SCUBE1: variants seen among roughly 807,000 people sequenced by gnomAD.
SCUBE1 encodes the protein signal peptide, CUB domain and EGF like domain containing 1, also known as signal peptide, CUB and EGF-like domain-containing protein 1.
Under a neutral mutation model 124.4 loss-of-function variants are expected in SCUBE1, and 59 were observed. The observed-to-expected ratio is 0.47, with a 90% CI of 0.38 to 0.59. The LOEUF (loss-of-function observed/expected upper bound fraction) is 0.59, where lower values mean the gene tolerates loss of function less well. SCUBE1 is among the 20% of genes least tolerant of loss of function. The pLI, the probability that SCUBE1 is intolerant of heterozygous loss-of-function variation, is 0.00. For synonymous variants in SCUBE1, 545 were observed against 550.9 expected (o/e 0.99, Z 0.15); for missense variants, 1,150 against 1,371.2 (o/e 0.84, Z 2.55).
rs75787600 is a variant in SCUBE1, at chr22:43,303,845, G to A, written c.350-12665C>T. Among the ~76,000 whole-genome samples the A allele has an allele frequency of 9.8e-3, 1,491 of 152,312 alleles. 30 individuals are homozygous for A. Among genetic ancestry groups the A allele is most frequent in the African/African-American group, 0.034 (1,428 of 41,560 alleles). On this transcript the variant is annotated intron_variant, in intron 3 of 21. Transcript: ENST00000360835. ...AGTCAGGAGCATCTATTTTGTTTCCGTCTTTTTGCATGAGCTGATTTTCTC... is the reference window on the plus strand; with the variant it reads ...AGTCAGGAGCATCTATTTTGTTTCCATCTTTTTGCATGAGCTGATTTTCTC...
At chr22:43,291,257 G>A (rs1223258582) in intron 3 of SCUBE1, 77 bp from the exon 4 acceptor site, 2 of 1,498,164 alleles carry the variant, frequency 1.3e-6, no homozygotes, top group Non-Finnish European at 1.8e-6. Context: ...GGCGGGACAG[G>A]GATGCAGTGA....
intron 14 of SCUBE1, among the ~76,000 whole-genome samples, chr22:43,219,653 T>C (rs564341943): frequency 2.0e-4 from 30 of 152,160 alleles, no homozygotes; most frequent in Non-Finnish European, 3.8e-4. Context: ...TTTGTATTTT[T>C]AGTAGAGACA....
intron 6 of SCUBE1, 109 bp from the exon 7 acceptor site, chr22:43,239,063 G>A (rs941921732): frequency 1.2e-6 from 1 of 814,850 alleles, no homozygotes; most frequent in Non-Finnish European, 2.1e-6. Flanking sequence ...CCGGGTTCAA[G>A]CTCTGGCTCT....
chr22:43,222,565 C>T, intron 12 of SCUBE1, 73 bp downstream of exon 12: 1 of 1,200,896 alleles, frequency 8.3e-7, no homozygotes, highest in Non-Finnish European at 1.2e-6. Context: ...GCCCTTTCCT[C>T]CCCCGCCAGC....
chr22:43,258,358 CACGGGTGTATAAACAGAACAACAA>C lies in SCUBE1; in HGVS notation c.611-47_611-24del. Reference sequence around the variant, plus strand: ...TTACTAGTTAGGCCCAAAGTGTACACACGGGTGTATAAACAGAACAACAAAAACGGTTAGTTTGCCGGTGTTGGC... The same window carrying C: ...TTACTAGTTAGGCCCAAAGTGTACACAAACGGTTAGTTTGCCGGTGTTGGC... On this transcript the variant is annotated intron_variant, in intron 5 of 21. Coordinates refer to ENST00000360835, the MANE Select transcript of SCUBE1 (RefSeq NM_173050.5). This position sits in a 1 kb window ranked among gnomAD's most constrained non-coding sequence, Gnocchi z 5.0. The C allele has an allele frequency of 6.5e-7, 1 of 1,528,210 alleles. No homozygotes were observed. Among genetic ancestry groups the C allele is most frequent in the African/African-American group, 1.4e-5 (1 of 73,270 alleles). The allele number at this position is 1,528,210 out of a possible 1,614,324, so 94.7% of individuals were successfully genotyped here.
chr22:43,322,664 C>T (rs1926597618), intron 2 of SCUBE1, among the ~76,000 whole-genome samples: 1 of 152,176 alleles, frequency 6.6e-6, no homozygotes, highest in Admixed American at 6.5e-5. Flanking sequence ...CTCCTTCAAG[C>T]AGGTGATTCA....
intron 6 of SCUBE1, among the ~76,000 whole-genome samples, chr22:43,241,415 G>A (rs1923001441): frequency 1.3e-5 from 2 of 151,950 alleles, no homozygotes; most frequent in South Asian, 2.1e-4. Flanking sequence ...TCAGAAACTC[G>A]GCCCAAGGCT....
Position 43,207,562 on chromosome 22 carries a change from G to A in SCUBE1, c.2786C>T (p.Ala929Val). The change falls in exon 21 of 22, where the codon GCC becomes GTC. Residue 929 changes from alanine to valine, a missense_variant. Ala to Val is a moderately conservative substitution (Grantham distance 64). Transcript: ENST00000360835. ...CAAAATTTCCTGGTGGTTCTCCGAG[G>A]CGTACAGGCGCCCATCGCGCACGAT... The part of the protein sequence containing the change: ...EDIVRDGRLY[A>V]SENHQEILKD... The A allele has an allele frequency of 6.2e-7, 1 of 1,614,030 alleles. No homozygotes were observed.
rs766737234 is a variant in SCUBE1 at position 43,211,049 on chromosome 22, G to A, written c.2256C>T (p.Thr752=). 1 of 1,613,630 alleles carries A rather than the reference G, an allele frequency of 6.2e-7. No homozygotes were observed. Among genetic ancestry groups the A allele is most frequent in the Admixed American group, 1.7e-5 (1 of 59,944 alleles). Reference sequence around the variant, plus strand: ...CGGGGCAGCGGATGCAGCGGTGGGTGGTGGTGTTGTAGTGGTGGCCGGGGG... The same window carrying A: ...CGGGGCAGCGGATGCAGCGGTGGGTAGTGGTGTTGTAGTGGTGGCCGGGGG... The part of the protein sequence containing the change: ...HCSPGHHYNT[T]THRCIRCPVG... The change falls in exon 18 of 22, where the codon ACC becomes ACT. Residue 752 remains threonine, a synonymous_variant. Coordinates refer to ENST00000360835, the MANE Select transcript of SCUBE1 (RefSeq NM_173050.5). The surrounding 1 kb of genome is among the most constrained non-coding windows in gnomAD (Gnocchi z 4.5).
chr22:43,328,820 C>T (rs1926811863), intron 2 of SCUBE1, among the ~76,000 whole-genome samples: 2 of 152,200 alleles, frequency 1.3e-5, no homozygotes, highest in Non-Finnish European at 2.9e-5. Flanking sequence ...CCAGGCACCA[C>T]CTTGATGGTA....
rs560221134 is a variant in SCUBE1 at position 43,197,499 on chromosome 22, GCACAGCGCCCTGGTGTC to G, written c.*6481_*6497del. ...CAGAAGTGAAGTCTGCGGGCCGCTA[GCACAGCGCCCTGGTGTC>G]CTGTTCCCCGAGCAATGTGGCCTGC... On this transcript the variant is annotated 3_prime_UTR_variant, in exon 22 of 22. Transcript: ENST00000360835. 6.6e-6 allele frequency: 1 copy of G among 152,410 alleles called. No individual in the cohort carries two copies. Among genetic ancestry groups the G allele is most frequent in the Admixed American group, 6.5e-5 (1 of 15,308 alleles). The allele number at this position is 152,410 out of a possible 1,614,324, so 9.4% of individuals were successfully genotyped here.
chr22:43,211,146 G>C lies in SCUBE1; in HGVS notation c.2222-63C>G. 6.7e-7 allele frequency: 1 copy of C among 1,503,348 alleles called. No individual in the cohort carries two copies. The highest frequency in any genetic ancestry group is 9.1e-7 in the Non-Finnish European group (1 of 1,102,986). 93.1% of individuals were successfully genotyped at this position (1,503,348 alleles called of 1,614,324 possible). On this transcript the variant is annotated intron_variant, in intron 17 of 21. Coordinates refer to ENST00000360835, the MANE Select transcript of SCUBE1 (RefSeq NM_173050.5). This position sits in a 1 kb window ranked among gnomAD's most constrained non-coding sequence, Gnocchi z 4.5. ...GGGTGCAGGGAAAGGGCAGCACTGG[G>C]GTGCTGTCCCCAGGACCTCTCATGC...
intron 6 of SCUBE1, among the ~76,000 whole-genome samples, chr22:43,254,642 T>A (rs967554699): frequency 6.6e-6 from 1 of 152,174 alleles, no homozygotes; most frequent in Non-Finnish European, 1.5e-5. Flanking sequence ...CCGCGCTACC[T>A]GACCCCATAG....
At position 43,334,989 on chromosome 22, in the gene SCUBE1, T is replaced by C. The variant is rs539678351; in HGVS notation, c.220+4115A>G. On this transcript the variant is annotated intron_variant, in intron 2 of 21. Coordinates refer to ENST00000360835, the MANE Select transcript of SCUBE1 (RefSeq NM_173050.5). Reference sequence around the variant, plus strand: ...CTCCTAAGCTGACCTTAATAGAGGCTGTTAACACCCTCTTCTCAGAACAGA... The same window carrying C: ...CTCCTAAGCTGACCTTAATAGAGGCCGTTAACACCCTCTTCTCAGAACAGA... 5.3e-5 allele frequency among the ~76,000 whole-genome samples: 8 copies of C among 152,332 alleles called. No individual in the cohort carries two copies. In the South Asian group the frequency reaches 1.7e-3, roughly 32 times the overall value.
At chr22:43,311,334 C>T (rs2899371) in intron 3 of SCUBE1, among the ~76,000 whole-genome samples, 4,261 of 152,094 alleles carry the variant, frequency 0.028, 217 homozygotes, top group African/African-American at 0.097. Flanking sequence ...CCATGTCTGG[C>T]ATATAGCAGG....
At chr22:43,269,204 C>T (rs1219597546) in intron 4 of SCUBE1, among the ~76,000 whole-genome samples, 2 of 152,262 alleles carry the variant, frequency 1.3e-5, no homozygotes, top group African/African-American at 2.4e-5. Context: ...CCCGATGGGC[C>T]CTCCCCCAGG....
chr22:43,221,098 G>T, intron 13 of SCUBE1, 75 bp downstream of exon 13: 1 of 1,201,052 alleles, frequency 8.3e-7, no homozygotes, highest in Non-Finnish European at 1.2e-6. Flanking sequence ...CTGGACCCTG[G>T]GGCCCCAGCT....
rs566286760 is a variant in SCUBE1 at position 43,206,854 on chromosome 22, T to C, written c.2814+680A>G. Among the ~76,000 whole-genome samples, 141 of 152,216 alleles carry C rather than the reference T, an allele frequency of 9.3e-4. 2 individuals carry two copies. The highest frequency in any genetic ancestry group is 3.2e-3 in the African/African-American group (133 of 41,540). Reference sequence around the variant, plus strand: ...ATCCCTGGTTTCTGCCTAAGCAGCTTGAGGAGGAAATCAGGAGCCGAGGGC... The same window carrying C: ...ATCCCTGGTTTCTGCCTAAGCAGCTCGAGGAGGAAATCAGGAGCCGAGGGC... On this transcript the variant is annotated intron_variant, in intron 21 of 21. Coordinates refer to ENST00000360835, the MANE Select transcript of SCUBE1 (RefSeq NM_173050.5).
intron 3 of SCUBE1, among the ~76,000 whole-genome samples, chr22:43,297,031 A>G (rs1601869798): frequency 6.6e-6 from 1 of 152,318 alleles, no homozygotes; most frequent in South Asian, 2.1e-4. Flanking sequence ...AAGGCTGAGC[A>G]TTTGGAGCAC....
Sources: gnomAD v4.1 joint callset for allele counts (sites outside exome capture counted in the v4.1 genomes callset) on GRCh38, gnomAD v4.1.1 for gene constraint, Gnocchi (gnomAD v3.1) non-coding constraint, MANE v1.5 for transcripts, NCBI Gene and HGNC (gene_info 2026-07-23, HGNC 2026-07-21) for gene names.